GRK3: variants seen among roughly 807,000 people sequenced by gnomAD.
GRK3 encodes the protein adrenergic, beta, receptor kinase 2.
GRK3 carries 54 observed loss-of-function variants against 95.7 expected under a neutral mutation model. The observed-to-expected ratio is 0.56, with a 90% CI of 0.45 to 0.71. GRK3 has a LOEUF of 0.71. GRK3 is among the 30% of genes least tolerant of loss of function. GRK3 has a pLI of 0.00. For missense variants in GRK3, 649 were observed against 851.2 expected, an observed-to-expected ratio of 0.76 and a Z score of 2.96; for synonymous variants, 281 against 290.8, an observed-to-expected ratio of 0.97 and a Z score of 0.34.
intron 1 of GRK3, among the ~76,000 whole-genome samples, chr22:25,590,129 A>G (rs1311680635): frequency 6.6e-6 from 1 of 152,158 alleles, no homozygotes; most frequent in Non-Finnish European, 1.5e-5. Context: ...TTTCCCTTAG[A>G]TTATTTTGAA....
intron 19 of GRK3, among the ~76,000 whole-genome samples, chr22:25,719,041 C>G (rs1160068517): frequency 6.6e-6 from 1 of 152,164 alleles, no homozygotes; most frequent in African/African-American, 2.4e-5. Flanking sequence ...CATTTTATAT[C>G]AGCAACTTGA....
At position 25,616,838 on chromosome 22, in the gene GRK3, G is replaced by T. The variant is rs542685598; in HGVS notation, c.190+12385G>T. 2.0e-5 allele frequency among the ~76,000 whole-genome samples: 3 copies of T among 152,352 alleles called. No homozygotes were observed. In the South Asian group the frequency reaches 6.2e-4, roughly 32 times the overall value. On this transcript the variant is annotated intron_variant, in intron 2 of 20. Coordinates refer to ENST00000324198, the MANE Select transcript of GRK3 (RefSeq NM_005160.4). The stretch of plus-strand genomic sequence containing the variant: ...TAAGAGGTTGAGACTGTAGGGCGAT[G>T]ATGTTGTTTATGCCTCTTGGAATTA...
intron 4 of GRK3, among the ~76,000 whole-genome samples, chr22:25,662,252 T>G (rs760669301): frequency 1.3e-4 from 20 of 152,338 alleles, no homozygotes; most frequent in Middle Eastern, 3.4e-3. Flanking sequence ...TATCTCTATA[T>G]TAGGAATGTT....
chr22:25,564,979 GC>G lies in GRK3; in HGVS notation c.-61del. 2.0e-6 allele frequency: 1 copy of G among 502,390 alleles called. No homozygotes were observed. The highest frequency in any genetic ancestry group is 2.7e-6 in the Non-Finnish European group (1 of 376,086). 31.1% of individuals were successfully genotyped at this position (502,390 alleles called of 1,614,324 possible). ...GGTCGGGGCGCGGCGGGCGGCGGCG[GC>G]GGGCGCGCGTCCCGTCCAGGTCCGG... On this transcript the variant is annotated 5_prime_UTR_variant, in exon 1 of 21. Coordinates refer to ENST00000324198, the MANE Select transcript of GRK3 (RefSeq NM_005160.4).
chr22:25,680,718 A>G (rs950024546), intron 9 of GRK3, among the ~76,000 whole-genome samples: 9 of 152,168 alleles, frequency 5.9e-5, no homozygotes, highest in Non-Finnish European at 1.5e-5. Flanking sequence ...TCAAAACTGT[A>G]TGGTATTTTT....
At chr22:25,586,589 A>G (rs1932318830) in intron 1 of GRK3, among the ~76,000 whole-genome samples, 2 of 152,294 alleles carry the variant, frequency 1.3e-5, no homozygotes, top group African/African-American at 4.8e-5. Flanking sequence ...AGCAGTAGGA[A>G]CAGAGGTGGG....
At chr22:25,625,745 A>G (rs1164758449) in intron 2 of GRK3, among the ~76,000 whole-genome samples, 1 of 152,178 alleles carries the variant, frequency 6.6e-6, no homozygotes, top group African/African-American at 2.4e-5. Context: ...TGCCTTCTAG[A>G]TAGCAGTAGT....
Position 25,565,186 on chromosome 22 carries a change from G to A in GRK3, c.113+33G>A, listed in dbSNP as rs1388351622. On this transcript the variant is annotated intron_variant, in intron 1 of 20. Coordinates refer to ENST00000324198, the MANE Select transcript of GRK3 (RefSeq NM_005160.4). ...CTGCCCCGGCCGGCGCCGGCCCCAA[G>A]CCGCCGCCCCCTGCGGCCGCCAGCT... 18 of 1,267,994 alleles carry A rather than the reference G, an allele frequency of 1.4e-5. No individual in the cohort carries two copies. In the South Asian group the frequency reaches 2.4e-4, roughly 17 times the overall value. 78.5% of individuals were successfully genotyped at this position (1,267,994 alleles called of 1,614,324 possible).
At chr22:25,692,439 TTAAC>T (rs2085172526) in intron 12 of GRK3, among the ~76,000 whole-genome samples, 1 of 152,226 alleles carries the variant, frequency 6.6e-6, no homozygotes. Flanking sequence ...GAGGATTAAG[TTAAC>T]TAAATAATTC....
intron 2 of GRK3, among the ~76,000 whole-genome samples, chr22:25,616,527 C>G (rs2084540469): frequency 6.6e-6 from 1 of 152,186 alleles, no homozygotes; most frequent in Non-Finnish European, 1.5e-5. Flanking sequence ...CACCAGGCCC[C>G]TCCTTCAACA....
rs2085483380 is a variant in GRK3, at chr22:25,727,392, T to C, written c.*4942T>C. On this transcript the variant is annotated 3_prime_UTR_variant, in exon 21 of 21. Coordinates refer to ENST00000324198, the MANE Select transcript of GRK3 (RefSeq NM_005160.4). The stretch of plus-strand genomic sequence containing the variant: ...AGTCACAATGAACTTTATATTTTCT[T>C]TGTCCTTAAGGACTAAGATAGTTGT... 6.6e-6 allele frequency: 1 copy of C among 152,254 alleles called. No individual in the cohort carries two copies. The highest frequency in any genetic ancestry group is 6.5e-5 in the Admixed American group (1 of 15,290). 9.4% of individuals were successfully genotyped at this position (152,254 alleles called of 1,614,324 possible).
At chr22:25,626,631 T>G (rs1239388020) in intron 2 of GRK3, among the ~76,000 whole-genome samples, 1 of 152,254 alleles carries the variant, frequency 6.6e-6, no homozygotes, top group Non-Finnish European at 1.5e-5. Context: ...TTCAGTTGGT[T>G]ATAAGTTAAA....
chr22:25,687,519 T>C lies in GRK3; in HGVS notation c.827-18T>C, dbSNP rs749161245. On this transcript the variant is annotated intron_variant, in intron 10 of 20. Coordinates refer to ENST00000324198, the MANE Select transcript of GRK3 (RefSeq NM_005160.4). ...TTAAATTAACATGCTTTGAATTAAA[T>C]TCTGAATCTGATTCCAGGGGGCGAT... 1.1e-5 allele frequency: 18 copies of C among 1,612,094 alleles called. No homozygotes were observed. Among genetic ancestry groups the C allele is most frequent in the African/African-American group, 1.3e-5 (1 of 74,894 alleles).
At chr22:25,643,811 A>G (rs118177973) in intron 2 of GRK3, among the ~76,000 whole-genome samples, 278 of 152,342 alleles carry the variant, frequency 1.8e-3, no homozygotes, top group South Asian at 6.8e-3. Context: ...GTAAACATTC[A>G]TTCAGTGAAC....
At chr22:25,566,124 G>C (rs1931471080) in intron 1 of GRK3, among the ~76,000 whole-genome samples, 1 of 152,052 alleles carries the variant, frequency 6.6e-6, no homozygotes, top group African/African-American at 2.4e-5. Context: ...CTTCAGTGAT[G>C]GATTTTTTTT....
intron 1 of GRK3, among the ~76,000 whole-genome samples, chr22:25,592,811 CCG>C (rs111554193): frequency 0.1 from 12,947 of 123,934 alleles, 203 homozygotes; most frequent in Middle Eastern, 0.17. Flanking sequence ...CCTCCCTCCC[CCG>C]CCATTCATCC....
intron 12 of GRK3, among the ~76,000 whole-genome samples, chr22:25,691,998 C>T (rs1266665817): frequency 2.0e-5 from 3 of 152,112 alleles, no homozygotes; most frequent in Non-Finnish European, 1.5e-5. Context: ...GGGTCTTGCT[C>T]TGTCTCCAAG....
At chr22:25,602,256 A>G (rs1354717978) in intron 1 of GRK3, among the ~76,000 whole-genome samples, 1 of 152,212 alleles carries the variant, frequency 6.6e-6, no homozygotes, top group African/African-American at 2.4e-5. Flanking sequence ...AAATTAAAAT[A>G]CAAAGTACAA....
intron 1 of GRK3, among the ~76,000 whole-genome samples, chr22:25,576,765 A>G (rs1220558726): frequency 1.3e-5 from 2 of 152,200 alleles, no homozygotes; most frequent in Non-Finnish European, 2.9e-5. Flanking sequence ...GAGGGGGCTC[A>G]TGGATTTGAC....
Sources: gnomAD v4.1 joint callset for allele counts (sites outside exome capture counted in the v4.1 genomes callset) on GRCh38, gnomAD v4.1.1 for gene constraint, MANE v1.5 for transcripts, NCBI Gene and HGNC (gene_info 2026-07-23, HGNC 2026-07-21) for gene names.